SLC6A9: variants seen among roughly 807,000 people sequenced by gnomAD.
The protein encoded by SLC6A9 is sodium- and chloride-dependent glycine transporter 1.
A neutral mutation model predicts 70.9 loss-of-function variants in SLC6A9; 31 were observed. The observed-to-expected ratio is 0.44, with a 90% CI of 0.33 to 0.59. The LOEUF (loss-of-function observed/expected upper bound fraction) is 0.59. Among genes scored for constraint, SLC6A9 ranks in the 20% least tolerant of loss-of-function variants. The probability of loss-of-function intolerance (pLI) is 0.04; values close to 1 mark genes in which losing one functional copy is unlikely to be tolerated. For missense variants in SLC6A9, 631 were observed against 845.2 expected (o/e 0.75, Z 3.14); for synonymous variants, 310 against 341.3 (o/e 0.91, Z 1.01).
chr1:44,018,275 G>A lies in SLC6A9; in HGVS notation c.30+5973C>T, dbSNP rs2086811659. On this transcript the variant is annotated intron_variant, in intron 2 of 13. Coordinates refer to ENST00000372310, the MANE Select transcript of SLC6A9 (RefSeq NM_001024845.3). The surrounding 1 kb of genome is among the most constrained non-coding windows in gnomAD (Gnocchi z 4.2). ...CCCCGTAGGGAACATAAGGAGTTTT[G>A]TCAAGCACAGGATGACATTAAAAAT... is the stretch of plus-strand genomic sequence containing the variant. 6.6e-6 allele frequency among the ~76,000 whole-genome samples: 1 copy of A among 152,142 alleles called. No homozygotes were observed. Among genetic ancestry groups the A allele is most frequent in the Non-Finnish European group, 1.5e-5 (1 of 68,032 alleles).
rs770329056 is a variant in SLC6A9, at chr1:44,013,971, G to A, written c.31-3089C>T. 2.0e-5 allele frequency among the ~76,000 whole-genome samples: 3 copies of A among 152,084 alleles called. No individual in the cohort carries two copies. The highest frequency in any genetic ancestry group is 4.4e-5 in the Non-Finnish European group (3 of 68,020). On this transcript the variant is annotated intron_variant, in intron 2 of 13. Transcript: ENST00000372310. The surrounding 1 kb of genome is among the most constrained non-coding windows in gnomAD (Gnocchi z 5.3). The stretch of plus-strand genomic sequence containing the variant: ...CTGCTGGGTGGACGGCTGTGTCACT[G>A]ATATGAACTGTCCCTGCAGTGGTCA...
At position 43,997,777 on chromosome 1, in the gene SLC6A9, G is replaced by A. The variant is rs776656953; in HGVS notation, c.1708-38C>T. On this transcript the variant is annotated intron_variant, in intron 13 of 13. Transcript: ENST00000372310. This position sits in a 1 kb window ranked among gnomAD's most constrained non-coding sequence, Gnocchi z 4.4. The stretch of plus-strand genomic sequence containing the variant: ...GGCATGGGGCACAGGGGCAGGGCAC[G>A]TCAGGAGGGAGCCCTTAAGCCCCTT... The A allele has an allele frequency of 3.6e-5, 57 of 1,592,936 alleles. No individual in the cohort carries two copies. In the East Asian group the frequency reaches 8.7e-4, roughly 24 times the overall value.
intron 2 of SLC6A9, among the ~76,000 whole-genome samples, chr1:44,021,381 C>A (rs943078276): frequency 3.9e-5 from 6 of 152,200 alleles, no homozygotes; most frequent in African/African-American, 1.4e-4. Flanking sequence ...GGGAGGGACA[C>A]GTGCAGCAGG....
intron 1 of SLC6A9, 93 bp from the exon 2 acceptor site, chr1:44,024,455 G>A: frequency 1.4e-6 from 1 of 708,848 alleles, no homozygotes; most frequent in Non-Finnish European, 2.5e-6. Flanking sequence ...CCACCAGCCT[G>A]CCCAGGCCCT....
chr1:44,007,950 G>C (rs1193007542), intron 5 of SLC6A9, among the ~76,000 whole-genome samples: 1 of 150,568 alleles, frequency 6.6e-6, no homozygotes, highest in East Asian at 1.9e-4. Flanking sequence ...AAGTGCAGTG[G>C]CGCGATCTCA....
chr1:44,017,464 A>T, intron 2 of SLC6A9: 2 of 789,202 alleles, frequency 2.5e-6, no homozygotes, highest in Non-Finnish European at 3.3e-6. Context: ...AGCTGACCAG[A>T]CGCTGTCTGA....
At position 43,996,567 on chromosome 1, in the gene SLC6A9, C is replaced by A; in HGVS notation, c.*978G>T. The A allele has an allele frequency of 5.3e-6, 1 of 189,276 alleles. No homozygotes were observed. Among genetic ancestry groups the A allele is most frequent in the Non-Finnish European group, 1.1e-5 (1 of 92,404 alleles). The allele number at this position is 189,276 out of a possible 1,614,324, so 11.7% of individuals were successfully genotyped here. A position where few individuals can be genotyped will look rare whatever the true frequency, so the allele number is the denominator to read the frequency against. ...CAATGGGCAGGGATGGGCGGCGCAC[C>A]GTTATTGCTACAGAGGATTAGAGGT... On this transcript the variant is annotated 3_prime_UTR_variant, in exon 14 of 14. Transcript: ENST00000372310.
rs2086823456 is a variant in SLC6A9, at chr1:44,018,633, T to TA, written c.30+5614dup. 2.6e-5 allele frequency among the ~76,000 whole-genome samples: 3 copies of TA among 113,498 alleles called. No individual in the cohort carries two copies. The South Asian group carries it at 8.9e-4, about 34-fold the overall frequency. 74.5% of individuals were successfully genotyped at this position (113,498 alleles called of 152,430 possible). A position where few individuals can be genotyped will look rare whatever the true frequency, so the allele number is the denominator to read the frequency against. On this transcript the variant is annotated intron_variant, in intron 2 of 13. Transcript: ENST00000372310. The surrounding 1 kb of genome is among the most constrained non-coding windows in gnomAD (Gnocchi z 4.2). ...ATAATAATAATAATAATAATAATAA[T>TA]AATAAATAAAAATAAAAAGACAGGT...
At chr1:43,998,676 C>T (rs1247450016) in intron 12 of SLC6A9, among the ~76,000 whole-genome samples, 1 of 152,154 alleles carries the variant, frequency 6.6e-6, no homozygotes, top group Non-Finnish European at 1.5e-5. Context: ...GTGCAGTGCC[C>T]AGTACAGTGC....
chr1:44,017,778 C>T (rs949288381), intron 2 of SLC6A9, among the ~76,000 whole-genome samples: 89 of 152,262 alleles, frequency 5.8e-4, no homozygotes, highest in South Asian at 2.1e-4. Flanking sequence ...TAGTGAACCA[C>T]GCTGTCAGCT....
chr1:44,000,360 C>G (rs1042396180), intron 12 of SLC6A9, among the ~76,000 whole-genome samples: 2 of 152,272 alleles, frequency 1.3e-5, no homozygotes, highest in African/African-American at 4.8e-5. Context: ...TCTGGTCTAC[C>G]AGCCTTGGGC....
chr1:44,015,595 A>T (rs895196342), intron 2 of SLC6A9, among the ~76,000 whole-genome samples: 1 of 152,238 alleles, frequency 6.6e-6, no homozygotes, highest in Non-Finnish European at 1.5e-5. Flanking sequence ...TCTAGACAGA[A>T]CAGCCATTAC....
At chr1:44,028,225 G>A (rs2087017884) in intron 1 of SLC6A9, among the ~76,000 whole-genome samples, 1 of 152,226 alleles carries the variant, frequency 6.6e-6, no homozygotes, top group African/African-American at 2.4e-5. Flanking sequence ...AGCTCAGACA[G>A]TCAGGGGGAA....
In SLC6A9 at chr1:44,024,353, A is replaced by C; in HGVS notation, c.-76T>G. ...GCTTCCAGCGCCTTTCAGGCCACAG[A>C]TCTCAAGAGCTGTGGAGAGAGCAGA... On this transcript the variant is annotated 5_prime_UTR_variant, in exon 2 of 14. Transcript: ENST00000372310. 6.5e-7 allele frequency: 1 copy of C among 1,542,982 alleles called. No individual in the cohort carries two copies. Among genetic ancestry groups the C allele is most frequent in the Non-Finnish European group, 9.0e-7 (1 of 1,115,372 alleles).
chr1:44,018,636 T>TAATAATAATAAA lies in SLC6A9; in HGVS notation c.30+5611_30+5612insTTTATTATTATT, dbSNP rs1427315101. 4.5e-5 allele frequency among the ~76,000 whole-genome samples: 6 copies of TAATAATAATAAA among 132,318 alleles called. No homozygotes were observed. Among genetic ancestry groups the TAATAATAATAAA allele is most frequent in the African/African-American group, 1.6e-4 (6 of 36,966 alleles). The allele number at this position is 132,318 out of a possible 152,430, so 86.8% of individuals were successfully genotyped here. A position where few individuals can be genotyped will look rare whatever the true frequency, so the allele number is the denominator to read the frequency against. On this transcript the variant is annotated intron_variant, in intron 2 of 13. Transcript: ENST00000372310. The surrounding 1 kb of genome is among the most constrained non-coding windows in gnomAD (Gnocchi z 4.2). ...ATAATAATAATAATAATAATAATAATAAATAAAAATAAAAAGACAGGTGGG... is the reference window on the plus strand; with the variant it reads ...ATAATAATAATAATAATAATAATAATAATAATAATAAAAAATAAAAATAAAAAGACAGGTGGG...
rs201130640 is a variant in SLC6A9, at chr1:44,002,668, G to A, written c.724-22C>T. The A allele has an allele frequency of 3.3e-5, 54 of 1,613,154 alleles. No individual in the cohort carries two copies. Among genetic ancestry groups the A allele is most frequent in the Non-Finnish European group, 4.5e-5 (53 of 1,179,300 alleles). On this transcript the variant is annotated intron_variant, in intron 6 of 13. Coordinates refer to ENST00000372310, the MANE Select transcript of SLC6A9 (RefSeq NM_001024845.3). This position sits in a 1 kb window ranked among gnomAD's most constrained non-coding sequence, Gnocchi z 5.5. Reference sequence around the variant, plus strand: ...CCACCTGGCACAAGAGGGCTCCATGGACTCTTCTGGGCTCTCCCCTCCCCT... The same window carrying A: ...CCACCTGGCACAAGAGGGCTCCATGAACTCTTCTGGGCTCTCCCCTCCCCT...
chr1:44,008,690 TC>T, intron 4 of SLC6A9, 67 bp from the exon 5 acceptor site: 1 of 1,261,280 alleles, frequency 7.9e-7, no homozygotes. Flanking sequence ...GTTAATAATT[TC>T]TTTTTTTTCT....
chr1:44,021,981 G>T (rs2086891856), intron 2 of SLC6A9, among the ~76,000 whole-genome samples: 1 of 152,246 alleles, frequency 6.6e-6, no homozygotes, highest in Admixed American at 6.5e-5. Flanking sequence ...CACTGGGGGT[G>T]CCCATGGGAC....
chr1:44,008,471 C>T lies in SLC6A9; in HGVS notation c.472G>A (p.Gly158Ser), dbSNP rs61741712. The T allele has an allele frequency of 6.3e-4, 1,016 of 1,614,148 alleles. 6 individuals are homozygous for T. The African/African-American group carries it at 0.011, about 18-fold the overall frequency. Residue 158 changes from glycine (G) to serine (S), a missense_variant, in exon 5 of 14, where the codon GGT becomes AGT. Gly to Ser is a moderately conservative substitution (Grantham distance 56). Coordinates refer to ENST00000372310, the MANE Select transcript of SLC6A9 (RefSeq NM_001024845.3). ...GTGAGGTTGGAGGCGTCCAGTACAC[C>T]GGCGCAGTCATGCGTGTTCCAGGGG... ...NNPWNTHDCA[G>S]VLDASNLTNG...
Sources: gnomAD v4.1 joint callset for allele counts (sites outside exome capture counted in the v4.1 genomes callset) on GRCh38, gnomAD v4.1.1 for gene constraint, Gnocchi (gnomAD v3.1) non-coding constraint, MANE v1.5 for transcripts, NCBI Gene and HGNC (gene_info 2026-07-23, HGNC 2026-07-21) for gene names.